Variants in TSPAN5 observed in about 807,000 individuals in gnomAD.
TSPAN5 encodes tetraspanin 5, also known as tetraspanin-5.
In TSPAN5, 10 loss-of-function variants were observed where a neutral mutation model predicts 37.1. The observed-to-expected ratio is 0.27, with a 90% CI of 0.17 to 0.46. The LOEUF (loss-of-function observed/expected upper bound fraction) is 0.46, where lower values mean the gene tolerates loss of function less well. TSPAN5 is among the 20% of genes least tolerant of loss of function. TSPAN5 has a pLI of 1.00. For synonymous variants in TSPAN5, 110 were observed against 118.9 expected (o/e 0.93, Z 0.48); for missense variants, 195 against 326.6 (o/e 0.60, Z 3.11).
intron 1 of TSPAN5, among the ~76,000 whole-genome samples, chr4:98,568,558 C>CA (rs1028511961): frequency 4.0e-5 from 6 of 150,984 alleles, no homozygotes; most frequent in African/African-American, 9.7e-5. Context: ...CAACCCACCA[C>CA]AAAAAAAAGA....
At chr4:98,619,268 C>T (rs749163121) in intron 1 of TSPAN5, among the ~76,000 whole-genome samples, 12 of 152,148 alleles carry the variant, frequency 7.9e-5, no homozygotes, top group South Asian at 2.1e-4. Flanking sequence ...TATTTTATTG[C>T]AGGCGTCAAT....
At chr4:98,621,045 C>G (rs540694246) in intron 1 of TSPAN5, among the ~76,000 whole-genome samples, 1 of 152,116 alleles carries the variant, frequency 6.6e-6, no homozygotes, top group Non-Finnish European at 1.5e-5. Flanking sequence ...AGATCCTAAT[C>G]CAGTATGACT....
chr4:98,559,296 A>G (rs1754826261), intron 1 of TSPAN5, among the ~76,000 whole-genome samples: 1 of 152,200 alleles, frequency 6.6e-6, no homozygotes, highest in South Asian at 2.1e-4. Flanking sequence ...ACACAATACA[A>G]ATGGCTAAAC....
At chr4:98,546,033 G>A (rs1754463095) in intron 1 of TSPAN5, among the ~76,000 whole-genome samples, 1 of 151,998 alleles carries the variant, frequency 6.6e-6, no homozygotes, top group African/African-American at 2.4e-5. Flanking sequence ...TAATAGATGT[G>A]CATTAGGATA....
At chr4:98,526,164 T>A (rs1753957014) in intron 1 of TSPAN5, among the ~76,000 whole-genome samples, 1 of 152,236 alleles carries the variant, frequency 6.6e-6, no homozygotes, top group South Asian at 2.1e-4. Context: ...GGCTGATTTT[T>A]GCTCAAACAC....
chr4:98,474,510 G>C lies in TSPAN5; in HGVS notation c.741+1679C>G, dbSNP rs781223811. On this transcript the variant is annotated intron_variant, in intron 7 of 7. Coordinates refer to ENST00000305798, the MANE Select transcript of TSPAN5 (RefSeq NM_005723.4). ...CCACAGGCATGCGCCATCATGCCCA[G>C]CTAACTTTTGTATATTTTGTAGAGA... 2.6e-5 allele frequency among the ~76,000 whole-genome samples: 4 copies of C among 151,918 alleles called. No individual in the cohort carries two copies. The South Asian group carries it at 8.3e-4, about 32-fold the overall frequency.
intron 2 of TSPAN5, among the ~76,000 whole-genome samples, chr4:98,495,777 T>TC (rs1420187034): frequency 2.6e-5 from 4 of 151,938 alleles, no homozygotes; most frequent in Non-Finnish European, 4.4e-5. Flanking sequence ...TTTTTTTTTT[T>TC]CATCACCAGC....
At position 98,524,074 on chromosome 4, in the gene TSPAN5, C is replaced by T. The variant is rs563440546; in HGVS notation, c.82-16346G>A. 3.3e-5 allele frequency among the ~76,000 whole-genome samples: 5 copies of T among 152,256 alleles called. No homozygotes were observed. The South Asian group carries it at 6.2e-4, about 19-fold the overall frequency. On this transcript the variant is annotated intron_variant, in intron 1 of 7. Transcript: ENST00000305798. Reference sequence around the variant, plus strand: ...GTAATTAAAAAGTCTCTTACCTAAGCACAATATAAGGTCACTTTTCAGATA... The same window carrying T: ...GTAATTAAAAAGTCTCTTACCTAAGTACAATATAAGGTCACTTTTCAGATA...
chr4:98,504,844 G>A (rs571932931), intron 2 of TSPAN5, among the ~76,000 whole-genome samples: 9 of 152,058 alleles, frequency 5.9e-5, no homozygotes, highest in East Asian at 1.9e-4. Context: ...TGTCTTAGTC[G>A]GCTGTATAAC....
chr4:98,568,634 C>T (rs987112830), intron 1 of TSPAN5, among the ~76,000 whole-genome samples: 8 of 152,070 alleles, frequency 5.3e-5, no homozygotes, highest in Non-Finnish European at 1.2e-4. Flanking sequence ...GAAATTTAGA[C>T]TCCCACCAAT....
intron 1 of TSPAN5, among the ~76,000 whole-genome samples, chr4:98,610,169 G>A (rs926635786): frequency 3.9e-5 from 6 of 152,172 alleles, no homozygotes; most frequent in African/African-American, 1.4e-4. Flanking sequence ...ACAATACCGA[G>A]GAGCTGGCAT....
chr4:98,522,511 T>C (rs1753877073), intron 1 of TSPAN5, among the ~76,000 whole-genome samples: 1 of 152,234 alleles, frequency 6.6e-6, no homozygotes, highest in South Asian at 2.1e-4. Context: ...TCCATACCCA[T>C]GTTTAAAATC....
intron 4 of TSPAN5, among the ~76,000 whole-genome samples, chr4:98,480,258 C>T (rs72688435): frequency 0.069 from 10,456 of 152,184 alleles, 391 homozygotes; most frequent in Middle Eastern, 0.14. Context: ...AAAAATGTCA[C>T]CACAATCAAT....
chr4:98,651,864 CTTTTT>C (rs552597633), intron 1 of TSPAN5, among the ~76,000 whole-genome samples: 124 of 95,244 alleles, frequency 1.3e-3, no homozygotes, highest in African/African-American at 2.6e-3. Flanking sequence ...CTTCAACATA[CTTTTT>C]TTTTTTTTTT....
At chr4:98,528,097 G>T (rs1754000566) in intron 1 of TSPAN5, among the ~76,000 whole-genome samples, 1 of 152,102 alleles carries the variant, frequency 6.6e-6, no homozygotes, top group African/African-American at 2.4e-5. Context: ...CCTCTGTCCG[G>T]CATATGAGCT....
intron 2 of TSPAN5, among the ~76,000 whole-genome samples, chr4:98,491,368 T>G (rs1418132768): frequency 6.6e-6 from 1 of 152,164 alleles, no homozygotes; most frequent in Non-Finnish European, 1.5e-5. Flanking sequence ...AAAAACAGAC[T>G]TATTCTTTCA....
At chr4:98,582,299 C>G (rs1372070575) in intron 1 of TSPAN5, among the ~76,000 whole-genome samples, 2 of 152,150 alleles carry the variant, frequency 1.3e-5, no homozygotes, top group Non-Finnish European at 2.9e-5. Flanking sequence ...CTGGTGCCAT[C>G]CCCACTGGAG....
chr4:98,519,895 C>T (rs1329108219), intron 1 of TSPAN5, among the ~76,000 whole-genome samples: 1 of 152,146 alleles, frequency 6.6e-6, no homozygotes, highest in Non-Finnish European at 1.5e-5. Flanking sequence ...CTACTTCTTC[C>T]TCTACAAAAC....
intron 1 of TSPAN5, among the ~76,000 whole-genome samples, chr4:98,579,092 C>A (rs993199234): frequency 2.6e-5 from 4 of 152,080 alleles, no homozygotes; most frequent in African/African-American, 9.7e-5. Flanking sequence ...CTGTCCTCCC[C>A]ACAAAGCTGT....
Sources: allele counts gnomAD v4.1 joint callset (sites outside exome capture counted in the v4.1 genomes callset), GRCh38; gene constraint gnomAD v4.1.1; transcripts MANE v1.5; gene names NCBI Gene and HGNC (gene_info 2026-07-23, HGNC 2026-07-21).